Variants in DHRSX observed in about 807,000 individuals in gnomAD.
The protein encoded by DHRSX is polyprenol dehydrogenase.
A neutral mutation model predicts 34.0 loss-of-function variants in DHRSX; 31 were observed. That is an observed-to-expected ratio of 0.91 (90% CI 0.69 to 1.23). DHRSX has a LOEUF of 1.23. Among genes scored for constraint, DHRSX ranks in the 50% most tolerant of loss-of-function variants. DHRSX has a pLI of 0.00. For synonymous variants in DHRSX, 201 were observed against 183.8 expected (o/e 1.09, Z -0.76); for missense variants, 414 against 428.1 (o/e 0.97, Z 0.29).
At chrX:2,393,070 T>C (rs1424294668) in intron 3 of DHRSX, among the ~76,000 whole-genome samples, 2 of 147,088 alleles carry the variant, frequency 1.4e-5, no homozygotes, top group Non-Finnish European at 3.0e-5. Flanking sequence ...TATTATGTCA[T>C]TATGTATTTA....
intron 3 of DHRSX, among the ~76,000 whole-genome samples, chrX:2,312,138 C>T (rs139313002): frequency 2.7e-4 from 41 of 152,110 alleles, no homozygotes; most frequent in Non-Finnish European, 4.0e-4. Context: ...TGGCAGGGAC[C>T]CCTCTTAGGG....
chrX:2,308,039 C>T (rs2042121174), intron 3 of DHRSX, among the ~76,000 whole-genome samples: 1 of 152,048 alleles, frequency 6.6e-6, no homozygotes, highest in African/African-American at 2.4e-5. Flanking sequence ...TTCATTCCAC[C>T]TGGAGTACCT....
At chrX:2,396,708 A>G (rs2043415628) in intron 3 of DHRSX, among the ~76,000 whole-genome samples, 1 of 149,408 alleles carries the variant, frequency 6.7e-6, no homozygotes, top group Admixed American at 6.7e-5. Context: ...TGGTATCCCT[A>G]AGTTGATGGC....
chrX:2,402,284 G>A (rs1261153919), intron 3 of DHRSX, among the ~76,000 whole-genome samples: 3 of 152,234 alleles, frequency 2.0e-5, no homozygotes, highest in South Asian at 2.1e-4. Flanking sequence ...TCTGTCCCTC[G>A]CTGGGCAACT....
In DHRSX at chrX:2,396,375, C is replaced by CTTT. The variant is rs1204243041; in HGVS notation, c.286+12367_286+12369dup. On this transcript the variant is annotated intron_variant, in intron 3 of 6. Coordinates refer to ENST00000334651, the MANE Select transcript of DHRSX (RefSeq NM_145177.3). ...TGTGTTTGATGCTTTCTTTCTTTTT[C>CTTT]TTTTTTTTTTTTTTTTTTTTGAGAC... Among the ~76,000 whole-genome samples the CTTT allele has an allele frequency of 0.01, 1,004 of 99,210 alleles. 77 individuals carry two copies. The East Asian group carries it at 0.14, about 14-fold the overall frequency. 65.1% of individuals were successfully genotyped at this position (99,210 alleles called of 152,430 possible).
rs765409810 is a variant in DHRSX, at chrX:2,414,164, T to C, written c.218-5351A>G. Among the ~76,000 whole-genome samples the C allele has an allele frequency of 4.6e-5, 7 of 151,514 alleles. No homozygotes were observed. In the East Asian group the frequency reaches 1.2e-3, roughly 26 times the overall value. On this transcript the variant is annotated intron_variant, in intron 2 of 6. Coordinates refer to ENST00000334651, the MANE Select transcript of DHRSX (RefSeq NM_145177.3). Reference sequence around the variant, plus strand: ...TAATCATGACTGACTATGACTAGATTTCATCATGACCAACCCAACTACCTC... The same window carrying C: ...TAATCATGACTGACTATGACTAGATCTCATCATGACCAACCCAACTACCTC...
chrX:2,439,838 G>A (rs2044041414), intron 1 of DHRSX, among the ~76,000 whole-genome samples: 1 of 152,104 alleles, frequency 6.6e-6, no homozygotes, highest in Admixed American at 6.5e-5. Context: ...GAGCTATGGG[G>A]AGCAGCTGTC....
chrX:2,293,842 G>GC (rs967808754), intron 3 of DHRSX, among the ~76,000 whole-genome samples: 1 of 152,008 alleles, frequency 6.6e-6, no homozygotes, highest in Non-Finnish European at 1.5e-5. Context: ...GTCTGCCTGT[G>GC]CCCCCCATGT....
intron 1 of DHRSX, among the ~76,000 whole-genome samples, chrX:2,469,936 T>G (rs1186341986): frequency 6.6e-6 from 1 of 152,124 alleles, no homozygotes; most frequent in Non-Finnish European, 1.5e-5. Flanking sequence ...AGCCCATCAA[T>G]GGGATACCTG....
At chrX:2,299,906 G>A (rs2041991372) in intron 3 of DHRSX, among the ~76,000 whole-genome samples, 1 of 151,938 alleles carries the variant, frequency 6.6e-6, no homozygotes, top group Admixed American at 6.6e-5. Flanking sequence ...ACATCTAAAG[G>A]GGTTTCCTGA....
intron 5 of DHRSX, among the ~76,000 whole-genome samples, chrX:2,246,558 G>C (rs2016286809): frequency 6.6e-6 from 1 of 151,788 alleles, no homozygotes; most frequent in African/African-American, 2.4e-5. Context: ...GGGAGGTGGA[G>C]GTTGCAGTGA....
chrX:2,332,555 T>G (rs747334785), intron 3 of DHRSX, among the ~76,000 whole-genome samples: 1 of 152,250 alleles, frequency 6.6e-6, no homozygotes, highest in African/African-American at 2.4e-5. Context: ...GCATTAGAAA[T>G]AGGACTTATG....
chrX:2,376,851 G>A (rs368042249), intron 3 of DHRSX, among the ~76,000 whole-genome samples: 13 of 151,890 alleles, frequency 8.6e-5, no homozygotes, highest in South Asian at 2.1e-4. Flanking sequence ...AAAATTAGCC[G>A]GGCACGGTGG....
chrX:2,449,381 C>T (rs996159610), intron 1 of DHRSX, among the ~76,000 whole-genome samples: 1 of 152,172 alleles, frequency 6.6e-6, no homozygotes, highest in Non-Finnish European at 1.5e-5. Flanking sequence ...CTCCTGAGTA[C>T]ATGCAAGGTG....
At chrX:2,495,500 C>T (rs1310200750) in intron 1 of DHRSX, among the ~76,000 whole-genome samples, 2 of 152,122 alleles carry the variant, frequency 1.3e-5, no homozygotes, top group Non-Finnish European at 2.9e-5. Context: ...CCAAGTGACT[C>T]CTGGAAGGAG....
At chrX:2,364,568 C>A (rs1000501240) in intron 3 of DHRSX, among the ~76,000 whole-genome samples, 10 of 152,194 alleles carry the variant, frequency 6.6e-5, no homozygotes, top group Non-Finnish European at 1.3e-4. Context: ...TATTTACCAC[C>A]TATCACCTAC....
At chrX:2,412,033 C>T (rs1474228555) in intron 2 of DHRSX, among the ~76,000 whole-genome samples, 1 of 152,222 alleles carries the variant, frequency 6.6e-6, no homozygotes, top group East Asian at 1.9e-4. Flanking sequence ...ATTGTCTCCT[C>T]AGACCTGGAG....
chrX:2,396,621 A>G (rs1166118441), intron 3 of DHRSX, among the ~76,000 whole-genome samples: 6 of 150,414 alleles, frequency 4.0e-5, no homozygotes, highest in African/African-American at 1.5e-4. Flanking sequence ...CAAGCAATCC[A>G]CCCGCCTTGG....
At chrX:2,235,100 ATTG>A (rs1291702818) in intron 6 of DHRSX, among the ~76,000 whole-genome samples, 1 of 152,192 alleles carries the variant, frequency 6.6e-6, no homozygotes, top group African/African-American at 2.4e-5. Flanking sequence ...CAGCAGGGAA[ATTG>A]GAAGTTGTAT....
Sources: gnomAD v4.1 joint callset for allele counts (sites outside exome capture counted in the v4.1 genomes callset) on GRCh38, gnomAD v4.1.1 for gene constraint, MANE v1.5 for transcripts, NCBI Gene and HGNC (gene_info 2026-07-23, HGNC 2026-07-21) for gene names.